LCP1: variants seen among roughly 807,000 people sequenced by gnomAD.
LCP1 encodes lymphocyte cytosolic protein 1.
In LCP1, 23 loss-of-function variants were observed where a neutral mutation model predicts 72.0. That is an observed-to-expected ratio of 0.32 (90% CI 0.23 to 0.45). The LOEUF (loss-of-function observed/expected upper bound fraction) is 0.45. Ranked by LOEUF, LCP1 falls within the 20% of genes least tolerant of loss-of-function variation. The probability of loss-of-function intolerance (pLI) is 1.00; values close to 1 mark genes in which losing one functional copy is unlikely to be tolerated. For synonymous variants in LCP1, 245 were observed against 275.4 expected (o/e 0.89, Z 1.09); for missense variants, 571 against 748.3 (o/e 0.76, Z 2.76).
chr13:46,129,611 T>A (rs1002167791), intron 15 of LCP1, among the ~76,000 whole-genome samples: 2 of 152,174 alleles, frequency 1.3e-5, no homozygotes, highest in African/African-American at 4.8e-5. Flanking sequence ...CTCCATTAAA[T>A]TGTGTTAAAC....
At position 46,158,500 on chromosome 13, in the gene LCP1, C is replaced by T; in HGVS notation, c.358+22G>A. 2 of 1,609,988 alleles carry T rather than the reference C, an allele frequency of 1.2e-6. 1 individual carries two copies. The highest frequency in any genetic ancestry group is 2.2e-5 in the South Asian group (2 of 89,868). On this transcript the variant is annotated intron_variant, in intron 4 of 15. Coordinates refer to ENST00000323076, the MANE Select transcript of LCP1 (RefSeq NM_002298.5). ...GAATCTGTAATCCTGAAATCCTGCT[C>T]CAACCCAGGAGTTGAGCCTACCTGA...
At chr13:46,128,363 C>T (rs2045612694) in intron 15 of LCP1, among the ~76,000 whole-genome samples, 1 of 152,198 alleles carries the variant, frequency 6.6e-6, no homozygotes, top group Admixed American at 6.5e-5. Context: ...CTTCGGGTGG[C>T]CGAGGCGGGT....
intron 9 of LCP1, among the ~76,000 whole-genome samples, chr13:46,147,467 A>G (rs538306057): frequency 6.6e-6 from 1 of 152,340 alleles, no homozygotes; most frequent in South Asian, 2.1e-4. Context: ...CACAGATGAC[A>G]TGAGATTGTC....
At chr13:46,161,754 C>A (rs1566443232) in intron 1 of LCP1, among the ~76,000 whole-genome samples, 1 of 152,200 alleles carries the variant, frequency 6.6e-6, no homozygotes. Context: ...TCGGGAGGAA[C>A]TCTAATACTT....
chr13:46,153,127 C>A (rs2045779457), intron 6 of LCP1, 182 bp from the exon 7 acceptor site: 5 of 569,032 alleles, frequency 8.8e-6, no homozygotes, highest in Admixed American at 3.4e-5. Flanking sequence ...ATCCAGTAAC[C>A]CAGACACCGA....
rs140070319 is a variant in LCP1 at position 46,177,188 on chromosome 13, A to G, written c.-25+4923T>C. ...TCTTCTTCCACTAACATTTAAAGCA[A>G]TGTTTCATTCTTTCTCAGTTTTTAG... On this transcript the variant is annotated intron_variant, in intron 1 of 15. Transcript: ENST00000323076. 2.2e-3 allele frequency among the ~76,000 whole-genome samples: 330 copies of G among 152,332 alleles called. 2 individuals carry two copies. Among genetic ancestry groups the G allele is most frequent in the Middle Eastern group, 6.8e-3 (2 of 294 alleles).
intron 12 of LCP1, chr13:46,142,875 G>A: frequency 9.6e-6 from 4 of 415,882 alleles, no homozygotes; most frequent in Non-Finnish European, 1.9e-5. Flanking sequence ...AAGAAATGCT[G>A]AGAAATGGCT....
rs183475836 is a variant in LCP1, at chr13:46,153,679, C to T, written c.574-734G>A. Among the ~76,000 whole-genome samples, 366 of 143,190 alleles carry T rather than the reference C, an allele frequency of 2.6e-3. 1 individual carries two copies. The highest frequency in any genetic ancestry group is 9.0e-3 in the African/African-American group (345 of 38,232). The allele number at this position is 143,190 out of a possible 152,430, so 93.9% of individuals were successfully genotyped here. A position where few individuals can be genotyped will look rare whatever the true frequency, so the allele number is the denominator to read the frequency against. ...TCATGCCATCACACTCCAGCCTGGG[C>T]GACAAGAGTGAAACTCCATCTCAAA... is the stretch of plus-strand genomic sequence containing the variant. On this transcript the variant is annotated intron_variant, in intron 6 of 15. Coordinates refer to ENST00000323076, the MANE Select transcript of LCP1 (RefSeq NM_002298.5).
At position 46,178,661 on chromosome 13, in the gene LCP1, T is replaced by C. The variant is rs550164863; in HGVS notation, c.-25+3450A>G. ...TTTGATGTGTCCTAATTCTAATGTTTATTTCTGCAGTGTTCAGTATACAGA... is the reference window on the plus strand; with the variant it reads ...TTTGATGTGTCCTAATTCTAATGTTCATTTCTGCAGTGTTCAGTATACAGA... On this transcript the variant is annotated intron_variant, in intron 1 of 15. Transcript: ENST00000323076. 2.6e-5 allele frequency among the ~76,000 whole-genome samples: 4 copies of C among 152,360 alleles called. No homozygotes were observed. In the East Asian group the frequency reaches 7.7e-4, roughly 29 times the overall value.
chr13:46,133,773 C>G (rs2045647314), intron 14 of LCP1, among the ~76,000 whole-genome samples: 1 of 151,920 alleles, frequency 6.6e-6, no homozygotes. Flanking sequence ...AGAAAACTGC[C>G]TGTTGGGTAC....
At chr13:46,159,918 C>T (rs993784258) in intron 1 of LCP1, among the ~76,000 whole-genome samples, 5 of 152,202 alleles carry the variant, frequency 3.3e-5, no homozygotes, top group Non-Finnish European at 7.3e-5. Context: ...ATACAGACTG[C>T]TCCTCACATC....
chr13:46,171,691 A>C (rs2045905425), intron 1 of LCP1, among the ~76,000 whole-genome samples: 1 of 152,256 alleles, frequency 6.6e-6, no homozygotes, highest in Non-Finnish European at 1.5e-5. Context: ...TCCAGTAAAC[A>C]AAATAGTCAC....
At chr13:46,174,260 G>A (rs1010374297) in intron 1 of LCP1, among the ~76,000 whole-genome samples, 2 of 152,130 alleles carry the variant, frequency 1.3e-5, no homozygotes, top group African/African-American at 4.8e-5. Context: ...CAGATAAATT[G>A]AGACAGGAAA....
chr13:46,141,929 A>G (rs1437339854), intron 13 of LCP1, among the ~76,000 whole-genome samples: 1 of 152,198 alleles, frequency 6.6e-6, no homozygotes, highest in East Asian at 1.9e-4. Flanking sequence ...CCACTAATCA[A>G]TAGGAAGCCT....
chr13:46,125,963 C>T lies in LCP1; in HGVS notation c.*1628G>A, dbSNP rs2045595798. On this transcript the variant is annotated 3_prime_UTR_variant, in exon 16 of 16. Transcript: ENST00000323076. ...ATTTGGAAAGATTTTGAGCATCATT[C>T]TCTTTTCATTTTTTATTAAGGCAGT... 2 of 189,932 alleles carry T rather than the reference C, an allele frequency of 1.1e-5. No individual in the cohort carries two copies. The highest frequency in any genetic ancestry group is 2.2e-5 in the Non-Finnish European group (2 of 90,300). The allele number at this position is 189,932 out of a possible 1,614,324, so 11.8% of individuals were successfully genotyped here.
At chr13:46,129,130 G>A (rs1353983078) in intron 15 of LCP1, among the ~76,000 whole-genome samples, 1 of 152,178 alleles carries the variant, frequency 6.6e-6, no homozygotes, top group Non-Finnish European at 1.5e-5. Context: ...TTAAAAGGGA[G>A]CTTCAAACAA....
chr13:46,144,295 C>A, intron 11 of LCP1, 147 bp downstream of exon 11: 1 of 618,500 alleles, frequency 1.6e-6, no homozygotes, highest in Non-Finnish European at 2.9e-6. Context: ...GAATATCCAA[C>A]ATCTGAAGCT....
chr13:46,168,353 T>G (rs2045887801), intron 1 of LCP1: 1 of 152,244 alleles, frequency 6.6e-6, no homozygotes, highest in Non-Finnish European at 1.5e-5. Flanking sequence ...CATCAGCAGC[T>G]GTAGCTTTGG....
rs367955667 is a variant in LCP1 at position 46,127,774 on chromosome 13, G to A, written c.1752-51C>T. The A allele has an allele frequency of 2.3e-5, 37 of 1,606,280 alleles. No individual in the cohort carries two copies. In the Admixed American group the frequency reaches 3.7e-4, roughly 16 times the overall value. On this transcript the variant is annotated intron_variant, in intron 15 of 15. Coordinates refer to ENST00000323076, the MANE Select transcript of LCP1 (RefSeq NM_002298.5). The stretch of plus-strand genomic sequence containing the variant: ...AAGGAGAGCCTGAGAAACACAACAC[G>A]AATGGGACCCTGGAGGGTCACAGTC...
Sources: gnomAD v4.1 joint callset for allele counts (sites outside exome capture counted in the v4.1 genomes callset) on GRCh38, gnomAD v4.1.1 for gene constraint, MANE v1.5 for transcripts, NCBI Gene and HGNC (gene_info 2026-07-23, HGNC 2026-07-21) for gene names.